Variants in NCKAP5 observed in about 807,000 individuals in gnomAD.
NCKAP5 encodes the protein NCK associated protein 5, also known as nck-associated protein 5.
A neutral mutation model predicts 167.0 loss-of-function variants in NCKAP5; 92 were observed. The ratio of observed to expected loss-of-function variants is 0.55; its 90% confidence interval spans 0.47 to 0.66. The LOEUF (loss-of-function observed/expected upper bound fraction) is 0.66, where lower values mean the gene tolerates loss of function less well. Among genes scored for constraint, NCKAP5 ranks in the 30% least tolerant of loss-of-function variants. The pLI is 0.00. For synonymous variants in NCKAP5, 891 were observed against 877.4 expected, an observed-to-expected ratio of 1.02 and a Z score of -0.27; for missense variants, 2,378 against 2,315.0, an observed-to-expected ratio of 1.03 and a Z score of -0.56.
chr2:133,067,243 G>A (rs2080230813), intron 6 of NCKAP5, among the ~76,000 whole-genome samples: 1 of 152,126 alleles, frequency 6.6e-6, no homozygotes, highest in African/African-American at 2.4e-5. Flanking sequence ...GTGTTATTCT[G>A]AAATGTTGTG....
chr2:133,308,056 A>T (rs546721062), intron 3 of NCKAP5, among the ~76,000 whole-genome samples: 2 of 149,558 alleles, frequency 1.3e-5, no homozygotes, highest in South Asian at 4.2e-4. Flanking sequence ...CACTTTGAAT[A>T]TAGGGGAAGA....
chr2:133,292,472 A>C (rs1256784114), intron 4 of NCKAP5, among the ~76,000 whole-genome samples: 1 of 152,234 alleles, frequency 6.6e-6, no homozygotes, highest in Non-Finnish European at 1.5e-5. Flanking sequence ...ATAAATCTAC[A>C]AAATGCCTTT....
chr2:133,344,221 A>G lies in NCKAP5; in HGVS notation c.70-41111T>C, dbSNP rs112114682. On this transcript the variant is annotated intron_variant, in intron 3 of 19. Coordinates refer to ENST00000409261, the MANE Select transcript of NCKAP5 (RefSeq NM_207363.3). ...TCAGGCATTCGAGACCAGCCTGACC[A>G]ACATGGTGAAACCCCTGTCTCTACT... 1.7e-3 allele frequency among the ~76,000 whole-genome samples: 255 copies of G among 152,226 alleles called. 4 individuals are homozygous for G. Among genetic ancestry groups the G allele is most frequent in the African/African-American group, 5.9e-3 (247 of 41,544 alleles).
chr2:133,113,202 GTT>G (rs74914476), intron 6 of NCKAP5, among the ~76,000 whole-genome samples: 1 of 143,116 alleles, frequency 7.0e-6, no homozygotes, highest in African/African-American at 2.6e-5. Flanking sequence ...CACAATTGGA[GTT>G]TTTTTTTTTT....
intron 16 of NCKAP5, among the ~76,000 whole-genome samples, chr2:132,758,066 C>G (rs1047452336): frequency 6.6e-6 from 1 of 152,220 alleles, no homozygotes; most frequent in Non-Finnish European, 1.5e-5. Context: ...CCCAAAATTT[C>G]TCCCCTCAGT....
At chr2:132,838,734 T>C (rs1196305418) in intron 11 of NCKAP5, among the ~76,000 whole-genome samples, 2 of 152,354 alleles carry the variant, frequency 1.3e-5, no homozygotes, top group Non-Finnish European at 2.9e-5. Flanking sequence ...TTTATTTCTA[T>C]GGCACAAAGT....
intron 6 of NCKAP5, among the ~76,000 whole-genome samples, chr2:133,111,300 C>A (rs750744253): frequency 6.6e-6 from 1 of 152,112 alleles, no homozygotes; most frequent in Non-Finnish European, 1.5e-5. Context: ...CTGCCATATA[C>A]CCATCTCAAA....
chr2:132,672,858 C>T lies in NCKAP5; in HGVS notation c.*431G>A. The T allele has an allele frequency of 1.9e-6, 1 of 530,902 alleles. No homozygotes were observed. Among genetic ancestry groups the T allele is most frequent in the Non-Finnish European group, 2.4e-6 (1 of 414,218 alleles). 32.9% of individuals were successfully genotyped at this position (530,902 alleles called of 1,614,324 possible). Reference sequence around the variant, plus strand: ...ATAAATGGAGTCTATCTTTATTGCCCTGTCAGAGAAATAAGCTCTGGTGGG... The same window carrying T: ...ATAAATGGAGTCTATCTTTATTGCCTTGTCAGAGAAATAAGCTCTGGTGGG... On this transcript the variant is annotated 3_prime_UTR_variant, in exon 20 of 20. Coordinates refer to ENST00000409261, the MANE Select transcript of NCKAP5 (RefSeq NM_207363.3).
At chr2:133,418,954 C>A (rs988697745) in intron 3 of NCKAP5, among the ~76,000 whole-genome samples, 1 of 152,184 alleles carries the variant, frequency 6.6e-6, no homozygotes, top group African/African-American at 2.4e-5. Context: ...AGAGAAAATT[C>A]TTTTAAAAAT....
intron 3 of NCKAP5, among the ~76,000 whole-genome samples, chr2:133,474,155 TACACAC>T (rs1553649111): frequency 1.4e-5 from 2 of 142,566 alleles, no homozygotes; most frequent in African/African-American, 5.6e-5. Context: ...TATCTATCTA[TACACAC>T]ACACACACAC....
At chr2:133,173,618 T>C (rs1224824857) in intron 5 of NCKAP5, among the ~76,000 whole-genome samples, 1 of 152,162 alleles carries the variant, frequency 6.6e-6, no homozygotes, top group Non-Finnish European at 1.5e-5. Flanking sequence ...CCCTGGCTCC[T>C]TTGCTATAAA....
At chr2:132,839,046 T>C (rs1298984227) in intron 11 of NCKAP5, among the ~76,000 whole-genome samples, 1 of 152,252 alleles carries the variant, frequency 6.6e-6, no homozygotes, top group East Asian at 1.9e-4. Flanking sequence ...TGTTCCATTT[T>C]CTAGCGCCTT....
chr2:133,081,659 C>T (rs574964861), intron 6 of NCKAP5, among the ~76,000 whole-genome samples: 16 of 152,100 alleles, frequency 1.1e-4, no homozygotes, highest in Non-Finnish European at 1.9e-4. Flanking sequence ...CTTTTACATG[C>T]TACAGGTGAG....
chr2:133,507,000 G>A lies in NCKAP5; in HGVS notation c.69+10458C>T, dbSNP rs145870198. On this transcript the variant is annotated intron_variant, in intron 3 of 19. Transcript: ENST00000409261. ...AAACAGAAATTAGGTCAGATATCCT[G>A]CCTCAGGGACCTACCAAACTGGGCC... is the stretch of plus-strand genomic sequence containing the variant. Among the ~76,000 whole-genome samples the A allele has an allele frequency of 8.5e-4, 129 of 152,162 alleles. No individual in the cohort carries two copies. The East Asian group carries it at 0.023, about 27-fold the overall frequency.
At chr2:133,483,078 C>G (rs561375733) in intron 3 of NCKAP5, among the ~76,000 whole-genome samples, 11 of 148,490 alleles carry the variant, frequency 7.4e-5, no homozygotes, top group Non-Finnish European at 1.6e-4. Flanking sequence ...ATTCCTTTAT[C>G]TATCTATCTA....
the NCKAP5 span, among the ~76,000 whole-genome samples, chr2:133,653,713 A>T: frequency 2.6e-5 from 4 of 152,216 alleles, no homozygotes; most frequent in East Asian, 1.9e-4. Flanking sequence ...CTAGGACCAG[A>T]TCCTAGAGTT....
At chr2:132,866,198 A>C (rs2148743501) in intron 10 of NCKAP5, among the ~76,000 whole-genome samples, 1 of 152,338 alleles carries the variant, frequency 6.6e-6, no homozygotes, top group Non-Finnish European at 1.5e-5. Flanking sequence ...TGCAGAGAAA[A>C]TGCCTTTCTT....
intron 4 of NCKAP5, among the ~76,000 whole-genome samples, chr2:133,254,514 T>G (rs952028388): frequency 9.2e-5 from 14 of 152,068 alleles, no homozygotes; most frequent in African/African-American, 2.4e-4. Flanking sequence ...TTGTGAGAGA[T>G]AGTACAGTTG....
At chr2:133,571,121 T>C (rs1352295703), upstream of NCKAP5, among the ~76,000 whole-genome samples, 3 of 152,204 alleles carry the variant, frequency 2.0e-5, no homozygotes, top group African/African-American at 7.2e-5. Context: ...AATTCTTGTC[T>C]TACTTCATAG....
Sources: gnomAD v4.1 joint callset for allele counts (sites outside exome capture counted in the v4.1 genomes callset) on GRCh38, gnomAD v4.1.1 for gene constraint, MANE v1.5 for transcripts, NCBI Gene and HGNC (gene_info 2026-07-23, HGNC 2026-07-21) for gene names.